Variants in ACOT8 observed in about 807,000 individuals in gnomAD.
ACOT8 encodes the protein acyl-coenzyme A thioesterase 8.
ACOT8 carries 31 observed loss-of-function variants against 38.4 expected under a neutral mutation model. The observed-to-expected ratio is 0.81, with a 90% CI of 0.61 to 1.09. The LOEUF (loss-of-function observed/expected upper bound fraction) is 1.09, where lower values mean the gene tolerates loss of function less well. Among genes scored for constraint, ACOT8 ranks in the 50% least tolerant of loss-of-function variants. The probability of loss-of-function intolerance (pLI) is 0.00; values close to 1 mark genes in which losing one functional copy is unlikely to be tolerated. For synonymous variants in ACOT8, 158 were observed against 170.3 expected, an observed-to-expected ratio of 0.93 and a Z score of 0.56; for missense variants, 373 against 421.8, an observed-to-expected ratio of 0.88 and a Z score of 1.01.
At chr20:45,857,009 G>T (rs1985495838) in intron 1 of ACOT8, among the ~76,000 whole-genome samples, 179 bp downstream of exon 1, 1 of 152,204 alleles carries the variant, frequency 6.6e-6, no homozygotes, top group Non-Finnish European at 1.5e-5. Flanking sequence ...CGGAGAGGAA[G>T]GGAGGAAGCC....
At chr20:45,853,020 C>G (rs1478773333) in intron 2 of ACOT8, among the ~76,000 whole-genome samples, 1 of 152,212 alleles carries the variant, frequency 6.6e-6, no homozygotes, top group Non-Finnish European at 1.5e-5. Context: ...CCGCCCGCCT[C>G]GGCTTCCCAA....
In ACOT8 at chr20:45,848,496, G is replaced by C; in HGVS notation, c.442C>G (p.Pro148Ala). The C allele has an allele frequency of 1.2e-6, 2 of 1,612,962 alleles. No individual in the cohort carries two copies. Among genetic ancestry groups the C allele is most frequent in the South Asian group, 1.1e-5 (1 of 90,942 alleles). Residue 148 changes from proline to alanine, a missense_variant, in exon 3 of 6, where the codon CCA becomes GCA. Transcript: ENST00000217455. ...HQFSMPTVPP[P>A]EELLDCETLI... ...GTCTCACAGTCAAGCAGCTCTTCTG[G>C]TGGTGGCACAGTGGGCATGGAGAAC...
intron 1 of ACOT8, among the ~76,000 whole-genome samples, 187 bp from the exon 2 acceptor site, chr20:45,855,479 G>A (rs6073930): frequency 0.014 from 2,148 of 152,324 alleles, 26 homozygotes; most frequent in Admixed American, 0.021. Flanking sequence ...TGGGCCGGGC[G>A]CAGTGGCTTA....
intron 2 of ACOT8, among the ~76,000 whole-genome samples, chr20:45,851,494 A>T (rs1985058849): frequency 6.6e-6 from 1 of 152,180 alleles, no homozygotes; most frequent in African/African-American, 2.4e-5. Context: ...TTCCAGCCCT[A>T]TTCTTGAAAA....
At chr20:45,853,621 C>G (rs1479853264) in intron 2 of ACOT8, 5 of 181,996 alleles carry the variant, frequency 2.7e-5, no homozygotes, top group Admixed American at 1.2e-4. Context: ...AGGTATTTCA[C>G]TAGGCTGGAA....
chr20:45,844,030 G>A, intron 4 of ACOT8: 1 of 786,852 alleles, frequency 1.3e-6, no homozygotes, highest in Non-Finnish European at 2.0e-6. Flanking sequence ...AACAACCCCA[G>A]CGAGGTGCCT....
At position 45,844,356 on chromosome 20, in the gene ACOT8, T is replaced by C. The variant is rs1984516029; in HGVS notation, c.553A>G (p.Ile185Val). The C allele has an allele frequency of 6.2e-7, 1 of 1,614,116 alleles. No homozygotes were observed. The highest frequency in any genetic ancestry group is 1.3e-5 in the African/African-American group (1 of 75,020). Residue 185 changes from isoleucine (I) to valine (V), a missense_variant, in exon 4 of 6, where the codon ATT becomes GTT. Coordinates refer to ENST00000217455, the MANE Select transcript of ACOT8 (RefSeq NM_005469.4). Reference protein sequence around the residue: ...LNRIAAQEVPIEIKPVNPSPL... With the variant: ...LNRIAAQEVPVEIKPVNPSPL... Reference sequence around the variant, plus strand: ...GATGGGTTTACTGGCTTGATCTCAATGGGGACCTCCTGAGCAGCAATTCGG... The same window carrying C: ...GATGGGTTTACTGGCTTGATCTCAACGGGGACCTCCTGAGCAGCAATTCGG...
chr20:45,844,226 G>A, intron 4 of ACOT8, 37 bp downstream of exon 4: 1 of 1,613,716 alleles, frequency 6.2e-7, no homozygotes, highest in Non-Finnish European at 8.5e-7. Flanking sequence ...TAGACCCCTT[G>A]GAGAGTGGTT....
chr20:45,852,055 T>C (rs531676553), intron 2 of ACOT8, among the ~76,000 whole-genome samples: 98 of 152,188 alleles, frequency 6.4e-4, no homozygotes, highest in African/African-American at 2.3e-3. Context: ...AGTGGCGCAG[T>C]TTTAGCTCAC....
intron 3 of ACOT8, 81 bp from the exon 4 acceptor site, chr20:45,844,501 C>T (rs1984530501): frequency 6.7e-7 from 1 of 1,487,718 alleles, no homozygotes; most frequent in Non-Finnish European, 9.2e-7. Flanking sequence ...TGACTCCCCT[C>T]ATTCTTCCAC....
intron 2 of ACOT8, among the ~76,000 whole-genome samples, chr20:45,849,582 C>T (rs1428733409): frequency 6.6e-6 from 1 of 152,008 alleles, no homozygotes; most frequent in African/African-American, 2.4e-5. Flanking sequence ...TCCTAAGTAG[C>T]TGGGACTACA....
chr20:45,855,028 G>A lies in ACOT8; in HGVS notation c.262+131C>T. On this transcript the variant is annotated intron_variant, in intron 2 of 5. Coordinates refer to ENST00000217455, the MANE Select transcript of ACOT8 (RefSeq NM_005469.4). ...CTCGTTCCACCCTAGACACCTCTTA[G>A]GGTGGTAGTGTCCGCCACCCCTCCC... 2.3e-6 allele frequency: 3 copies of A among 1,304,558 alleles called. No homozygotes were observed. In the South Asian group the frequency reaches 4.2e-5, roughly 18 times the overall value. The allele number at this position is 1,304,558 out of a possible 1,614,324, so 80.8% of individuals were successfully genotyped here. A position where few individuals can be genotyped will look rare whatever the true frequency, so the allele number is the denominator to read the frequency against.
intron 2 of ACOT8, among the ~76,000 whole-genome samples, chr20:45,849,279 G>A (rs1320724886): frequency 6.6e-6 from 1 of 151,922 alleles, no homozygotes; most frequent in Non-Finnish European, 1.5e-5. Context: ...TTTATTCAGC[G>A]CTTGTTCTTT....
At chr20:45,844,824 C>T (rs1834767714) in intron 3 of ACOT8, among the ~76,000 whole-genome samples, 2 of 152,146 alleles carry the variant, frequency 1.3e-5, no homozygotes, top group Admixed American at 1.3e-4. Flanking sequence ...TATTATCACC[C>T]CCATTTCATC....
At chr20:45,844,198 C>T in intron 4 of ACOT8, 65 bp downstream of exon 4, 1 of 1,607,260 alleles carries the variant, frequency 6.2e-7, no homozygotes. Context: ...TGCCCAAGGC[C>T]ACACAGCAAA....
intron 2 of ACOT8, 184 bp from the exon 3 acceptor site, chr20:45,848,859 G>T: frequency 2.0e-6 from 1 of 498,892 alleles, no homozygotes; most frequent in Non-Finnish European, 3.5e-6. Context: ...TCCCTGTGCA[G>T]GTGGAGCTTT....
chr20:45,852,227 G>T (rs917418908), intron 2 of ACOT8, among the ~76,000 whole-genome samples: 3 of 151,862 alleles, frequency 2.0e-5, no homozygotes. Context: ...GAGTACAGTA[G>T]CACGATCTCA....
At chr20:45,842,757 A>C in intron 5 of ACOT8, 4 of 989,322 alleles carry the variant, frequency 4.0e-6, no homozygotes, top group Non-Finnish European at 4.8e-6. Context: ...CCCCATGATG[A>C]AGCCAAATCT....
intron 2 of ACOT8, among the ~76,000 whole-genome samples, chr20:45,850,600 G>A (rs1984997790): frequency 6.6e-6 from 1 of 152,230 alleles, no homozygotes; most frequent in African/African-American, 2.4e-5. Flanking sequence ...CACCCCTGAT[G>A]TATATGGAAG....
Sources: allele counts gnomAD v4.1 joint callset (sites outside exome capture counted in the v4.1 genomes callset), GRCh38; gene constraint gnomAD v4.1.1; transcripts MANE v1.5; gene names NCBI Gene and HGNC (gene_info 2026-07-23, HGNC 2026-07-21).